PHF14: variants seen among roughly 807,000 people sequenced by gnomAD.
The protein encoded by PHF14 is PHD finger protein 14.
A neutral mutation model predicts 117.9 loss-of-function variants in PHF14; 55 were observed. The ratio of observed to expected loss-of-function variants is 0.47; its 90% CI spans 0.38 to 0.58. The LOEUF (loss-of-function observed/expected upper bound fraction) is 0.58. PHF14 is among the 20% of genes least tolerant of loss of function. The probability of loss-of-function intolerance (pLI) is 0.00; values close to 1 mark genes in which losing one functional copy is unlikely to be tolerated. For synonymous variants in PHF14, 409 were observed against 368.6 expected (o/e 1.11, Z -1.26); for missense variants, 978 against 1,122.2 (o/e 0.87, Z 1.84).
At chr7:11,100,756 T>C (rs7790568) in intron 16 of PHF14, among the ~76,000 whole-genome samples, 21,806 of 151,828 alleles carry the variant, frequency 0.14, 2,282 homozygotes, top group African/African-American at 0.29. Flanking sequence ...TTGCCCAAGA[T>C]TGTACAACTG....
chr7:11,063,947 C>G (rs1435989067), intron 16 of PHF14, among the ~76,000 whole-genome samples: 1 of 151,734 alleles, frequency 6.6e-6, no homozygotes, highest in African/African-American at 2.4e-5. Flanking sequence ...TTTTATTACT[C>G]TAAAATAATG....
intron 2 of PHF14, among the ~76,000 whole-genome samples, chr7:10,981,804 C>T (rs1782052168): frequency 6.6e-6 from 1 of 152,032 alleles, no homozygotes; most frequent in Non-Finnish European, 1.5e-5. Flanking sequence ...TCTTGGTATT[C>T]CTAAAATTTG....
At chr7:10,981,162 G>A (rs866394489) in intron 2 of PHF14, among the ~76,000 whole-genome samples, 2 of 151,996 alleles carry the variant, frequency 1.3e-5, no homozygotes, top group Non-Finnish European at 2.9e-5. Flanking sequence ...TTCAATTTTA[G>A]TGCTTAGTTA....
At chr7:11,132,398 G>T (rs1184965950) in intron 17 of PHF14, among the ~76,000 whole-genome samples, 1 of 150,856 alleles carries the variant, frequency 6.6e-6, no homozygotes, top group East Asian at 2.0e-4. Context: ...TGTCCTCCAG[G>T]TCCATCCATG....
chr7:11,048,080 A>G (rs930925831), intron 13 of PHF14, among the ~76,000 whole-genome samples: 2 of 152,134 alleles, frequency 1.3e-5, no homozygotes, highest in African/African-American at 2.4e-5. Context: ...ATCAATTAAA[A>G]GGTTAAGATT....
At chr7:11,138,666 A>G (rs1788313252) in intron 17 of PHF14, among the ~76,000 whole-genome samples, 1 of 152,210 alleles carries the variant, frequency 6.6e-6, no homozygotes, top group Non-Finnish European at 1.5e-5. Flanking sequence ...TATTTATCTC[A>G]CTTGCATATC....
intron 17 of PHF14, among the ~76,000 whole-genome samples, chr7:11,120,481 G>T (rs1157537044): frequency 6.6e-6 from 1 of 151,956 alleles, no homozygotes; most frequent in Non-Finnish European, 1.5e-5. Context: ...AATCTTTCCT[G>T]TCTCAGAGTT....
intron 7 of PHF14, among the ~76,000 whole-genome samples, chr7:11,033,753 T>C (rs1257663602): frequency 6.6e-6 from 1 of 152,206 alleles, no homozygotes; most frequent in Non-Finnish European, 1.5e-5. Flanking sequence ...TCATTTACTT[T>C]GAAACATTAG....
chr7:11,065,441 T>C (rs1361796592), intron 16 of PHF14, among the ~76,000 whole-genome samples: 5 of 152,238 alleles, frequency 3.3e-5, no homozygotes, highest in African/African-American at 1.2e-4. Flanking sequence ...GTAAATGAAC[T>C]CTACATAAGT....
intron 14 of PHF14, among the ~76,000 whole-genome samples, chr7:11,056,502 A>G (rs1356356609): frequency 6.6e-6 from 1 of 152,052 alleles, no homozygotes; most frequent in Non-Finnish European, 1.5e-5. Context: ...TTAGATAAAA[A>G]GAAACTCTAC....
At chr7:11,150,188 G>A (rs1164732377) in intron 17 of PHF14, among the ~76,000 whole-genome samples, 4 of 152,104 alleles carry the variant, frequency 2.6e-5, no homozygotes, top group African/African-American at 7.2e-5. Context: ...AAGAAGGAAG[G>A]GAGGAGAATG....
chr7:10,999,033 G>T (rs148782654), intron 4 of PHF14, among the ~76,000 whole-genome samples: 3 of 152,154 alleles, frequency 2.0e-5, no homozygotes, highest in South Asian at 2.1e-4. Flanking sequence ...AAGTTCTGGC[G>T]GCACTAGGGT....
chr7:10,975,017 G>A, intron 2 of PHF14, 72 bp downstream of exon 2: 1 of 791,864 alleles, frequency 1.3e-6, no homozygotes. Flanking sequence ...TTTTTAAATC[G>A]GTTTTGATTA....
chr7:11,080,875 T>C (rs948165661), intron 16 of PHF14, among the ~76,000 whole-genome samples: 14 of 152,168 alleles, frequency 9.2e-5, no homozygotes, highest in Non-Finnish European at 2.9e-5. Context: ...TACTAATCCA[T>C]GTGTTAATTG....
In PHF14 at chr7:10,982,976, T is replaced by G. The variant is rs776715855; in HGVS notation, c.717T>G (p.Asp239Glu). 8 of 1,589,188 alleles carry G rather than the reference T, an allele frequency of 5.0e-6. No homozygotes were observed. In the East Asian group the frequency reaches 1.4e-4, roughly 27 times the overall value. ...KEGSDGDNED[D>E]EDEGSGSDED... ...GAAGTGATGGAGACAATGAGGATGA[T>G]GAAGATGAGGGAAGCGGGAGTGATG... The change falls in exon 3 of 18, where the codon GAT (aspartate) becomes GAG (glutamate). Residue 239 changes from aspartate to glutamate, a missense_variant. This residue lies in a region of PHF14 where 414 missense variants were observed against 376.4 expected (regional missense o/e 1.10). Transcript: ENST00000634607.
chr7:11,120,433 TTC>T (rs894309966), intron 17 of PHF14, among the ~76,000 whole-genome samples: 7 of 152,014 alleles, frequency 4.6e-5, no homozygotes, highest in Non-Finnish European at 1.0e-4. Flanking sequence ...AAGAGTAATT[TTC>T]TGTTTCATTT....
At chr7:11,072,962 A>G (rs558393232) in intron 16 of PHF14, among the ~76,000 whole-genome samples, 1 of 152,324 alleles carries the variant, frequency 6.6e-6, no homozygotes, top group African/African-American at 2.4e-5. Context: ...TTTAGTGCCA[A>G]GCATTCATGA....
Position 10,982,759 on chromosome 7 carries a change from C to A in PHF14, c.500C>A (p.Pro167His). 1 of 1,613,860 alleles carries A rather than the reference C, an allele frequency of 6.2e-7. No individual in the cohort carries two copies. The highest frequency in any genetic ancestry group is 8.5e-7 in the Non-Finnish European group (1 of 1,179,842). The change falls in exon 3 of 18, where the codon CCC becomes CAC. Residue 167 changes from proline to histidine, a missense_variant. Pro to His is a moderately conservative substitution (Grantham distance 77). Coordinates refer to ENST00000634607, the MANE Select transcript of PHF14 (RefSeq NM_001007157.2). ...GCTGTTAACACATCCCCTTCTGTTC[C>A]CACTACGACAACCGCTACAGAGGAA... ...PPAVNTSPSVPTTTTATEEQV... is the reference protein window; with the variant it reads ...PPAVNTSPSVHTTTTATEEQV...
intron 16 of PHF14, chr7:11,104,320 A>G (rs1787185206): frequency 2.0e-6 from 2 of 979,718 alleles, no homozygotes; most frequent in African/African-American, 3.5e-5. Flanking sequence ...TTCATAAGAT[A>G]TAGGTCCTGC....
Sources: gnomAD v4.1 joint callset for allele counts (sites outside exome capture counted in the v4.1 genomes callset) on GRCh38, gnomAD v4.1.1 for gene constraint, gnomAD v4.1.1 regional missense constraint, MANE v1.5 for transcripts, NCBI Gene and HGNC (gene_info 2026-07-23, HGNC 2026-07-21) for gene names.